The following BEND6 variants were observed in gnomAD, a reference collection of about 807,000 sequenced individuals.
BEND6 encodes the protein BEN domain containing 6.
In BEND6, 24 loss-of-function variants were observed where a neutral mutation model predicts 31.8. The observed-to-expected ratio is 0.75, with a 90% confidence interval of 0.55 to 1.06. BEND6 has a LOEUF of 1.06. Among genes scored for constraint, BEND6 ranks in the 50% least tolerant of loss-of-function variants. The probability of loss-of-function intolerance (pLI) is 0.00; values close to 1 mark genes in which losing one functional copy is unlikely to be tolerated. For synonymous variants in BEND6, 109 were observed against 114.6 expected, an observed-to-expected ratio of 0.95 and a Z score of 0.31; for missense variants, 294 against 327.4, an observed-to-expected ratio of 0.90 and a Z score of 0.79.
In BEND6 at chr6:56,966,654, C is replaced by T. The variant is rs565529007; in HGVS notation, c.-101+11194C>T. Among the ~76,000 whole-genome samples the T allele has an allele frequency of 1.8e-4, 28 of 152,304 alleles. No homozygotes were observed. The South Asian group carries it at 5.6e-3, about 30-fold the overall frequency. On this transcript the variant is annotated intron_variant, in intron 1 of 6. Coordinates refer to ENST00000370746, the MANE Select transcript of BEND6 (RefSeq NM_152731.3). Reference sequence around the variant, plus strand: ...AAGATTGCCTTCCACTTTTCCCAGCCTCTTATTTCTGTGCTATTACCTCTG... The same window carrying T: ...AAGATTGCCTTCCACTTTTCCCAGCTTCTTATTTCTGTGCTATTACCTCTG...
intron 5 of BEND6, 104 bp from the exon 6 acceptor site, chr6:57,018,317 A>G (rs982219068): frequency 3.2e-6 from 4 of 1,269,664 alleles, no homozygotes; most frequent in African/African-American, 1.6e-5. Flanking sequence ...TGTAAAATGG[A>G]AAAAAAATTA....
In BEND6 at chr6:57,012,132, GTAAA is replaced by G. The variant is rs544373705; in HGVS notation, c.299-2989_299-2986del. Among the ~76,000 whole-genome samples the G allele has an allele frequency of 9.5e-3, 1,450 of 152,080 alleles. 13 individuals are homozygous for G. The highest frequency in any genetic ancestry group is 0.014 in the Non-Finnish European group (933 of 67,984). ...AGAATGAGACTCTGTCTCAAAATAA[GTAAA>G]TAAATAAATAAGTTACAGAGCATGA... On this transcript the variant is annotated intron_variant, in intron 3 of 6. Transcript: ENST00000370746.
chr6:56,975,923 G>A, intron 1 of BEND6: 1 of 531,908 alleles, frequency 1.9e-6, no homozygotes, highest in Non-Finnish European at 3.8e-6. Context: ...TCCTCCAGTG[G>A]TGAGGAAGTA....
At chr6:56,964,526 G>A (rs978769005) in intron 1 of BEND6, among the ~76,000 whole-genome samples, 1 of 151,596 alleles carries the variant, frequency 6.6e-6, no homozygotes. Context: ...TTTTGAGATG[G>A]GGGCTTGCCC....
chr6:56,964,422 C>A (rs550270108), intron 1 of BEND6, among the ~76,000 whole-genome samples: 1 of 152,142 alleles, frequency 6.6e-6, no homozygotes, highest in Non-Finnish European at 1.5e-5. Context: ...ACTGTTCTAA[C>A]AACTTCTCTA....
At chr6:57,017,469 C>T in intron 5 of BEND6, 70 bp downstream of exon 5, 1 of 1,138,214 alleles carries the variant, frequency 8.8e-7, no homozygotes, top group Non-Finnish European at 1.1e-6. Context: ...TCAAGATAGT[C>T]TTTCATGGTC....
At chr6:56,985,002 C>T (rs1826205089) in intron 2 of BEND6, among the ~76,000 whole-genome samples, 1 of 152,174 alleles carries the variant, frequency 6.6e-6, no homozygotes, top group Non-Finnish European at 1.5e-5. Flanking sequence ...GAGAGCCTTC[C>T]ATGTCTGCTT....
At chr6:56,959,098 A>G (rs1592959372) in intron 1 of BEND6, among the ~76,000 whole-genome samples, 1 of 152,200 alleles carries the variant, frequency 6.6e-6, no homozygotes, top group East Asian at 1.9e-4. Flanking sequence ...AGGGAGAGAA[A>G]TAATTAAAGA....
chr6:57,020,837 T>C (rs1827719528), intron 6 of BEND6, among the ~76,000 whole-genome samples: 1 of 149,788 alleles, frequency 6.7e-6, no homozygotes, highest in Admixed American at 6.6e-5. Context: ...ACTCTTGTTT[T>C]TTTTTTTTTT....
At chr6:56,977,375 G>C (rs745771337) in intron 1 of BEND6, among the ~76,000 whole-genome samples, 4 of 152,028 alleles carry the variant, frequency 2.6e-5, no homozygotes, top group Non-Finnish European at 4.4e-5. Context: ...AATAGCCTTT[G>C]TGAAAAAAAA....
chr6:56,983,495 T>A (rs1189915154), intron 2 of BEND6, among the ~76,000 whole-genome samples: 2 of 152,344 alleles, frequency 1.3e-5, no homozygotes, highest in East Asian at 3.9e-4. Flanking sequence ...ACCACTGTTT[T>A]GTTCTGTATC....
Position 57,015,291 on chromosome 6 carries a change from T to A in BEND6, c.457T>A (p.Ser153Thr). ...SFASTCSNSN[S>T]NSSSPVSLKP... ...TGCCTCAACATGCAGTAATTCTAAT[T>A]CTAACTCCAGTTCACCAGTTTCCTT... The change falls in exon 4 of 7, where the codon TCT (serine) becomes ACT (threonine). Residue 153 changes from serine to threonine, a missense_variant. Physicochemically the swap from Ser to Thr is moderately conservative, Grantham distance 58. Coordinates refer to ENST00000370746, the MANE Select transcript of BEND6 (RefSeq NM_152731.3). 1.2e-6 allele frequency: 2 copies of A among 1,614,118 alleles called. No homozygotes were observed. The highest frequency in any genetic ancestry group is 1.6e-4 in the Middle Eastern group (1 of 6,062).
At chr6:56,991,196 G>C (rs1405219630) in intron 2 of BEND6, among the ~76,000 whole-genome samples, 3 of 151,790 alleles carry the variant, frequency 2.0e-5, no homozygotes, top group African/African-American at 7.3e-5. Context: ...ATTATCTTTG[G>C]TAGCTTTCAG....
intron 1 of BEND6, among the ~76,000 whole-genome samples, chr6:56,956,002 G>GACGGCC (rs1198507040): frequency 2.0e-5 from 3 of 152,246 alleles, no homozygotes; most frequent in African/African-American, 4.8e-5. Context: ...CCTTTCTGCG[G>GACGGCC]ACGGCCACGG....
At chr6:57,005,851 C>T (rs575853537) in intron 3 of BEND6, among the ~76,000 whole-genome samples, 9 of 151,950 alleles carry the variant, frequency 5.9e-5, no homozygotes, top group Middle Eastern at 3.4e-3. Context: ...AAGAATAAAC[C>T]GGCAAGATAA....
At chr6:56,965,462 AG>A (rs1348407744) in intron 1 of BEND6, among the ~76,000 whole-genome samples, 7 of 152,090 alleles carry the variant, frequency 4.6e-5, no homozygotes. Context: ...CTGTAACACC[AG>A]GACTTGTGTC....
At chr6:56,978,135 T>C (rs1011158310) in intron 1 of BEND6, among the ~76,000 whole-genome samples, 2 of 151,278 alleles carry the variant, frequency 1.3e-5, no homozygotes, top group African/African-American at 4.9e-5. Flanking sequence ...AACTAAAAAT[T>C]AGACAGGTGT....
intron 1 of BEND6, among the ~76,000 whole-genome samples, chr6:56,971,545 G>A (rs374911392): frequency 5.3e-5 from 8 of 152,218 alleles, no homozygotes; most frequent in South Asian, 4.1e-4. Flanking sequence ...AGAAGGTTCC[G>A]TGCTGTTTTC....
At chr6:56,994,725 C>A (rs1181720836) in intron 3 of BEND6, among the ~76,000 whole-genome samples, 1 of 152,112 alleles carries the variant, frequency 6.6e-6, no homozygotes, top group Non-Finnish European at 1.5e-5. Flanking sequence ...TGTTATTATA[C>A]ATTTTTATTG....
Sources: allele counts gnomAD v4.1 joint callset (sites outside exome capture counted in the v4.1 genomes callset), GRCh38; gene constraint gnomAD v4.1.1; transcripts MANE v1.5; gene names NCBI Gene and HGNC (gene_info 2026-07-23, HGNC 2026-07-21).